LPP: variants seen among roughly 807,000 people sequenced by gnomAD.
LPP encodes the protein lipoma-preferred partner.
LPP carries 38 observed loss-of-function variants against 60.4 expected under a neutral mutation model. The observed-to-expected ratio is 0.63, with a 90% CI of 0.49 to 0.83. The LOEUF (loss-of-function observed/expected upper bound fraction) is 0.83. Among genes scored for constraint, LPP ranks in the 40% least tolerant of loss-of-function variants. LPP has a pLI of 0.00. For missense variants in LPP, 902 were observed against 783.6 expected (o/e 1.15, Z -1.80); for synonymous variants, 328 against 290.8 (o/e 1.13, Z -1.30).
intron 2 of LPP, among the ~76,000 whole-genome samples, chr3:188,271,965 C>T (rs1241316364): frequency 1.3e-5 from 2 of 152,146 alleles, no homozygotes; most frequent in Non-Finnish European, 2.9e-5. Flanking sequence ...ACTAAAGAAA[C>T]CTGCACTTGG....
intron 7 of LPP, among the ~76,000 whole-genome samples, chr3:188,670,002 G>A (rs1856640528): frequency 6.6e-6 from 1 of 152,170 alleles, no homozygotes; most frequent in South Asian, 2.1e-4. Context: ...CTATCACTAG[G>A]ACAGAAAACC....
intron 2 of LPP, among the ~76,000 whole-genome samples, chr3:188,273,070 C>T (rs1308805023): frequency 6.6e-6 from 1 of 152,320 alleles, no homozygotes; most frequent in African/African-American, 2.4e-5. Flanking sequence ...TGCTTTTATG[C>T]CTGCGTCGTG....
intron 4 of LPP, among the ~76,000 whole-genome samples, chr3:188,451,729 G>C (rs1278829629): frequency 3.9e-5 from 6 of 152,170 alleles, no homozygotes; most frequent in Non-Finnish European, 7.4e-5. Context: ...TTTTGGGGAT[G>C]CTATAAGACA....
At chr3:188,705,331 C>T (rs1865272772) in intron 7 of LPP, among the ~76,000 whole-genome samples, 1 of 152,102 alleles carries the variant, frequency 6.6e-6, no homozygotes, top group South Asian at 2.1e-4. Flanking sequence ...AGGCTTGTTC[C>T]ATAGATTTAC....
intron 2 of LPP, among the ~76,000 whole-genome samples, chr3:188,255,509 T>C (rs1459566550): frequency 1.3e-5 from 2 of 152,178 alleles, no homozygotes; most frequent in African/African-American, 4.8e-5. Flanking sequence ...TATGAAACCT[T>C]TCCTGACCTC....
intron 3 of LPP, among the ~76,000 whole-genome samples, chr3:188,380,486 C>CTTATGTTCA (rs1198066499): frequency 6.6e-6 from 1 of 152,160 alleles, no homozygotes; most frequent in Non-Finnish European, 1.5e-5. Flanking sequence ...GAGTATGTCC[C>CTTATGTTCA]TTATGTTCAT....
intron 2 of LPP, among the ~76,000 whole-genome samples, chr3:188,298,905 G>C (rs998900891): frequency 6.6e-6 from 1 of 152,128 alleles, no homozygotes; most frequent in African/African-American, 2.4e-5. Context: ...GCCCCATGAG[G>C]CCAGTCATGA....
chr3:188,828,961 C>T (rs907223665), intron 9 of LPP, among the ~76,000 whole-genome samples: 4 of 152,098 alleles, frequency 2.6e-5, no homozygotes, highest in Non-Finnish European at 5.9e-5. Flanking sequence ...TTACATGCTT[C>T]TCAAAATATC....
intron 1 of LPP, among the ~76,000 whole-genome samples, chr3:188,185,737 C>A (rs551592052): frequency 6.6e-6 from 1 of 152,174 alleles, no homozygotes; most frequent in Non-Finnish European, 1.5e-5. Context: ...GGAATCCCAA[C>A]GGGCAGCGGC....
chr3:188,526,236 C>T (rs1449143684), intron 6 of LPP, among the ~76,000 whole-genome samples: 3 of 152,166 alleles, frequency 2.0e-5, no homozygotes, highest in African/African-American at 7.2e-5. Context: ...TCTTGTTTCT[C>T]TGCTGTCAGT....
At chr3:188,701,577 A>G (rs746610198) in intron 7 of LPP, among the ~76,000 whole-genome samples, 7 of 152,212 alleles carry the variant, frequency 4.6e-5, no homozygotes, top group Non-Finnish European at 1.0e-4. Context: ...GTGCCTCACA[A>G]GGCCACATCT....
intron 2 of LPP, among the ~76,000 whole-genome samples, chr3:188,326,557 T>C (rs2150444879): frequency 6.6e-6 from 1 of 152,328 alleles, no homozygotes; most frequent in South Asian, 2.1e-4. Context: ...CTTAACGTTA[T>C]TCTGTTAAAT....
chr3:188,825,269 C>CTCTCTCTCTCTGTG (rs1463318065), intron 9 of LPP, among the ~76,000 whole-genome samples: 1 of 101,690 alleles, frequency 9.8e-6, no homozygotes, highest in Non-Finnish European at 1.9e-5. Context: ...CTCTCTCTCT[C>CTCTCTCTCTCTGTG]TGTGTGTGTG....
At chr3:188,355,883 CCAAGGAGCA>C (rs1242928101) in intron 3 of LPP, among the ~76,000 whole-genome samples, 1 of 152,124 alleles carries the variant, frequency 6.6e-6, no homozygotes, top group Non-Finnish European at 1.5e-5. Flanking sequence ...AGTTACTAAC[CCAAGGAGCA>C]CATTTGAGTT....
Position 188,205,288 on chromosome 3 carries a change from T to TC in LPP, c.-189-20117_-189-20116insC, listed in dbSNP as rs2149142439. Among the ~76,000 whole-genome samples the TC allele has an allele frequency of 2.7e-5, 4 of 145,680 alleles. No individual in the cohort carries two copies. In the East Asian group the frequency reaches 7.9e-4, roughly 29 times the overall value. ...AAATAGATTATAATCTTTTTTTTTT[T>TC]TTTTTTTTTTTTGGCAGAGTCTTGC... is the stretch of plus-strand genomic sequence containing the variant. On this transcript the variant is annotated intron_variant, in intron 1 of 11. Transcript: ENST00000617246.
Position 188,299,111 on chromosome 3 carries a change from C to T in LPP, c.-66-42552C>T, listed in dbSNP as rs560999598. 6.6e-5 allele frequency among the ~76,000 whole-genome samples: 10 copies of T among 152,308 alleles called. No individual in the cohort carries two copies. In the South Asian group the frequency reaches 1.9e-3, roughly 28 times the overall value. Reference sequence around the variant, plus strand: ...TATCAAAAAACCCAGAGCAGACAGACGGGTGAACTTGCTCATGGGCTGAGC... The same window carrying T: ...TATCAAAAAACCCAGAGCAGACAGATGGGTGAACTTGCTCATGGGCTGAGC... On this transcript the variant is annotated intron_variant, in intron 2 of 11. Transcript: ENST00000617246.
chr3:188,543,087 G>T (rs1825649811), intron 6 of LPP, among the ~76,000 whole-genome samples: 2 of 152,094 alleles, frequency 1.3e-5, no homozygotes, highest in African/African-American at 4.8e-5. Context: ...CTTTCCTTTA[G>T]GATGTGACTG....
rs550037557 is a variant in LPP at position 188,352,260 on chromosome 3, G to T, written c.-10+10541G>T. 4.4e-4 allele frequency among the ~76,000 whole-genome samples: 67 copies of T among 152,334 alleles called. No individual in the cohort carries two copies. Among genetic ancestry groups the T allele is most frequent in the African/African-American group, 1.6e-3 (67 of 41,578 alleles). On this transcript the variant is annotated intron_variant, in intron 3 of 11. Transcript: ENST00000617246. The surrounding 1 kb of genome is among the most constrained non-coding windows in gnomAD (Gnocchi z 4.4). ...TATGGGACTTGGTATTAAGCAAGAT[G>T]ATATTAACGAGGTTTGATTGCTGTT...
chr3:188,677,278 T>C (rs1406068572), intron 7 of LPP, among the ~76,000 whole-genome samples: 2 of 152,240 alleles, frequency 1.3e-5, no homozygotes, highest in African/African-American at 4.8e-5. Context: ...AATACAATTA[T>C]GTTACTTTTA....
Sources: allele counts gnomAD v4.1 joint callset (sites outside exome capture counted in the v4.1 genomes callset), GRCh38; gene constraint gnomAD v4.1.1; non-coding constraint Gnocchi (gnomAD v3.1); transcripts MANE v1.5; gene names NCBI Gene and HGNC (gene_info 2026-07-23, HGNC 2026-07-21).